MGMT: variants seen among roughly 807,000 people sequenced by gnomAD.
MGMT encodes O-6-methylguanine-DNA methyltransferase.
A neutral mutation model predicts 15.9 loss-of-function variants in MGMT; 14 were observed. That is an observed-to-expected ratio of 0.88 (90% confidence interval 0.58 to 1.37). MGMT has a LOEUF of 1.37. MGMT is among the 40% of genes most tolerant of loss of function. The pLI, the probability that MGMT is intolerant of heterozygous loss-of-function variation, is 0.00. For synonymous variants in MGMT, 130 were observed against 118.2 expected, an observed-to-expected ratio of 1.10 and a Z score of -0.65; for missense variants, 282 against 268.1, an observed-to-expected ratio of 1.05 and a Z score of -0.36.
At chr10:129,478,403 T>G (rs747884230) in intron 1 of MGMT, among the ~76,000 whole-genome samples, 7 of 152,200 alleles carry the variant, frequency 4.6e-5, no homozygotes, top group Non-Finnish European at 8.8e-5. Flanking sequence ...CTCTGTTGAT[T>G]TAGGGGCCTT....
chr10:129,504,358 A>C (rs1226709429), intron 1 of MGMT, among the ~76,000 whole-genome samples: 1 of 152,204 alleles, frequency 6.6e-6, no homozygotes, highest in Admixed American at 6.5e-5. Flanking sequence ...TCACCTTTCC[A>C]TTGAGTTACA....
intron 2 of MGMT, among the ~76,000 whole-genome samples, chr10:129,678,642 T>A (rs1847813025): frequency 6.6e-6 from 1 of 152,264 alleles, no homozygotes; most frequent in South Asian, 2.1e-4. Context: ...CTAAACTGCA[T>A]GTAAAAAATG....
chr10:129,513,022 GATACATTAA>G (rs1252165076), intron 1 of MGMT, among the ~76,000 whole-genome samples: 4 of 152,238 alleles, frequency 2.6e-5, no homozygotes, highest in Admixed American at 1.3e-4. Flanking sequence ...TGAGTGAACA[GATACATTAA>G]ATGTGGCCTA....
intron 2 of MGMT, among the ~76,000 whole-genome samples, chr10:129,606,210 A>T (rs1055363173): frequency 6.6e-6 from 1 of 152,238 alleles, no homozygotes; most frequent in Non-Finnish European, 1.5e-5. Context: ...TAATGCCGAA[A>T]CTTGCATTGT....
intron 2 of MGMT, among the ~76,000 whole-genome samples, chr10:129,644,893 C>G (rs1443588037): frequency 6.6e-6 from 1 of 152,108 alleles, no homozygotes; most frequent in African/African-American, 2.4e-5. Context: ...CACTGCGTGG[C>G]AGGTCCTGTG....
At chr10:129,512,426 G>A (rs1040426147) in intron 1 of MGMT, among the ~76,000 whole-genome samples, 1 of 152,120 alleles carries the variant, frequency 6.6e-6, no homozygotes, top group African/African-American at 2.4e-5. Flanking sequence ...CACCTGAGGC[G>A]TGTTCAACAC....
chr10:129,564,249 CCCTCCTCTTCCCCTTCCT>C (rs752820265), intron 2 of MGMT: 13 of 36,042 alleles, frequency 3.6e-4, no homozygotes, highest in African/African-American at 1.0e-3. Context: ...TCCCCCTTCC[CCCTCCTCTTCCCCTTCCT>C]CCTCCTCTTC....
In MGMT at chr10:129,638,446, G is replaced by GA. The variant is rs1157292152; in HGVS notation, c.126-69439dup. Among the ~76,000 whole-genome samples the GA allele has an allele frequency of 6.2e-4, 60 of 96,308 alleles. 1 individual carries two copies. Among genetic ancestry groups the GA allele is most frequent in the Non-Finnish European group, 4.9e-4 (24 of 48,718 alleles). The allele number at this position is 96,308 out of a possible 152,430, so 63.2% of individuals were successfully genotyped here. On this transcript the variant is annotated intron_variant, in intron 2 of 4. Transcript: ENST00000651593. ...CAAAGAGGCAAAAAAAAAAAAAAAA[G>GA]AAAAAAAAAAGAAAAATAACTGACG...
In MGMT at chr10:129,532,473, G is replaced by C. The variant is rs1053667985; in HGVS notation, c.-12-3768G>C. On this transcript the variant is annotated intron_variant, in intron 1 of 4. Coordinates refer to ENST00000651593, the MANE Select transcript of MGMT (RefSeq NM_002412.5). This position sits in a 1 kb window ranked among gnomAD's most constrained non-coding sequence, Gnocchi z 5.3. ...TGAGGACTCCTCTCTCCGGGAGACTGTCGGGGCTAAGCTGCCTGTGGCCCT... is the reference window on the plus strand; with the variant it reads ...TGAGGACTCCTCTCTCCGGGAGACTCTCGGGGCTAAGCTGCCTGTGGCCCT... 6.6e-6 allele frequency among the ~76,000 whole-genome samples: 1 copy of C among 152,182 alleles called. No individual in the cohort carries two copies. The highest frequency in any genetic ancestry group is 2.4e-5 in the African/African-American group (1 of 41,446).
At chr10:129,531,823 CATT>C (rs1425442618) in intron 1 of MGMT, among the ~76,000 whole-genome samples, 63 of 151,208 alleles carry the variant, frequency 4.2e-4, no homozygotes, top group Non-Finnish European at 6.3e-4. Flanking sequence ...GGTTCCAGCT[CATT>C]GTTGTGTTCA....
chr10:129,684,388 A>G (rs1847883965), intron 2 of MGMT, among the ~76,000 whole-genome samples: 1 of 152,204 alleles, frequency 6.6e-6, no homozygotes, highest in Admixed American at 6.5e-5. Flanking sequence ...CCATCCCAGC[A>G]CGTGGTAGTC....
At chr10:129,630,184 C>T (rs867561206) in intron 2 of MGMT, among the ~76,000 whole-genome samples, 15 of 152,234 alleles carry the variant, frequency 9.9e-5, no homozygotes, top group Admixed American at 3.9e-4. Flanking sequence ...GCTCTCTCAA[C>T]ATCTCCCCCT....
chr10:129,664,993 C>T (rs1847640648), intron 2 of MGMT, among the ~76,000 whole-genome samples: 1 of 152,114 alleles, frequency 6.6e-6, no homozygotes, highest in South Asian at 2.1e-4. Flanking sequence ...GGGGAAAATG[C>T]TGAATTACAG....
intron 2 of MGMT, among the ~76,000 whole-genome samples, chr10:129,542,280 G>A (rs1375423256): frequency 1.3e-5 from 2 of 152,152 alleles, no homozygotes; most frequent in Admixed American, 1.3e-4. Flanking sequence ...TGCCGAGTCT[G>A]TGCTGCCAGT....
At chr10:129,689,623 T>C (rs1211154130) in intron 2 of MGMT, among the ~76,000 whole-genome samples, 1 of 152,244 alleles carries the variant, frequency 6.6e-6, no homozygotes, top group East Asian at 1.9e-4. Flanking sequence ...TGTAGTCTTA[T>C]AGCTTGTTTT....
At chr10:129,627,548 C>G (rs1847164762) in intron 2 of MGMT, among the ~76,000 whole-genome samples, 1 of 152,314 alleles carries the variant, frequency 6.6e-6, no homozygotes, top group Non-Finnish European at 1.5e-5. Flanking sequence ...CATCTGGCCC[C>G]TCGCCCTCCA....
At chr10:129,579,890 A>G (rs1589877271) in intron 2 of MGMT, among the ~76,000 whole-genome samples, 2 of 152,340 alleles carry the variant, frequency 1.3e-5, no homozygotes, top group South Asian at 2.1e-4. Flanking sequence ...CGAGGCTGTC[A>G]GAAAAGCCCT....
intron 1 of MGMT, among the ~76,000 whole-genome samples, chr10:129,486,065 A>AT (rs559916211): frequency 0.012 from 1,794 of 151,736 alleles, 19 homozygotes; most frequent in Non-Finnish European, 0.018. Flanking sequence ...AGCCTTTTTA[A>AT]TTTTTTTTTC....
chr10:129,680,070 C>T (rs1476782791), intron 2 of MGMT, among the ~76,000 whole-genome samples: 1 of 152,196 alleles, frequency 6.6e-6, no homozygotes, highest in Non-Finnish European at 1.5e-5. Context: ...AATTCAGTGG[C>T]CAACGAGCCC....
Sources: gnomAD v4.1 joint callset for allele counts (sites outside exome capture counted in the v4.1 genomes callset) on GRCh38, gnomAD v4.1.1 for gene constraint, Gnocchi (gnomAD v3.1) non-coding constraint, MANE v1.5 for transcripts, NCBI Gene and HGNC (gene_info 2026-07-23, HGNC 2026-07-21) for gene names.